The following NEK1 variants were observed in gnomAD, a reference collection of about 807,000 sequenced individuals.
NEK1 encodes NIMA related kinase 1.
Under a neutral mutation model 182.1 loss-of-function variants are expected in NEK1, and 137 were observed. The ratio of observed to expected loss-of-function variants is 0.75; its 90% CI spans 0.65 to 0.87. The LOEUF is 0.87. Among genes scored for constraint, NEK1 ranks in the 40% least tolerant of loss-of-function variants. The probability of loss-of-function intolerance (pLI) is 0.00; values close to 1 mark genes in which losing one functional copy is unlikely to be tolerated. For missense variants in NEK1, 1,391 were observed against 1,494.4 expected, an observed-to-expected ratio of 0.93 and a Z score of 1.14; for synonymous variants, 513 against 492.2, an observed-to-expected ratio of 1.04 and a Z score of -0.56.
At chr4:169,486,958 C>A (rs921775584) in intron 23 of NEK1, among the ~76,000 whole-genome samples, 1 of 152,166 alleles carries the variant, frequency 6.6e-6, no homozygotes. Context: ...ACTTCATTCA[C>A]AATATAGCAT....
chr4:169,490,200 G>A (rs567385901), intron 23 of NEK1, among the ~76,000 whole-genome samples: 1 of 152,264 alleles, frequency 6.6e-6, no homozygotes, highest in South Asian at 2.1e-4. Context: ...AACTGAAGGA[G>A]CTGCATGGAC....
rs139849277 is a variant in NEK1, at chr4:169,596,494, A to AGACTG, written c.312+2601_312+2605dup. On this transcript the variant is annotated intron_variant, in intron 5 of 35. Transcript: ENST00000507142. ...GTACATCTTTAAAATATCTATGTAGAGACTGTCCAAGGGAACGTACTTAGT... is the reference window on the plus strand; with the variant it reads ...GTACATCTTTAAAATATCTATGTAGAGACTGGACTGTCCAAGGGAACGTACTTAGT... Among the ~76,000 whole-genome samples the AGACTG allele has an allele frequency of 9.6e-3, 1,461 of 152,356 alleles. 16 individuals carry two copies. Among genetic ancestry groups the AGACTG allele is most frequent in the African/African-American group, 0.033 (1,384 of 41,584 alleles).
chr4:169,572,248 G>A (rs1157214737), intron 12 of NEK1, among the ~76,000 whole-genome samples: 2 of 152,114 alleles, frequency 1.3e-5, no homozygotes, highest in Non-Finnish European at 2.9e-5. Flanking sequence ...TAATATGGTG[G>A]TAAAAATAAT....
At chr4:169,603,365 T>C (rs1042923716) in intron 2 of NEK1, among the ~76,000 whole-genome samples, 2 of 152,200 alleles carry the variant, frequency 1.3e-5, no homozygotes, top group Non-Finnish European at 2.9e-5. Flanking sequence ...ATTAAAATCT[T>C]TGAGAAGCAA....
intron 2 of NEK1, among the ~76,000 whole-genome samples, chr4:169,610,966 C>T (rs949619785): frequency 6.6e-6 from 1 of 152,082 alleles, no homozygotes; most frequent in African/African-American, 2.4e-5. Flanking sequence ...TTCCTTTATT[C>T]GAAAAAGCAG....
At chr4:169,554,451 G>C (rs1466634828) in intron 18 of NEK1, 1 of 137,252 alleles carries the variant, frequency 7.3e-6, no homozygotes, top group East Asian at 2.1e-4. Context: ...AAAAAAAAAA[G>C]TATGCTACAT....
At chr4:169,582,765 A>G (rs1766881209) in intron 10 of NEK1, among the ~76,000 whole-genome samples, 1 of 152,188 alleles carries the variant, frequency 6.6e-6, no homozygotes, top group Non-Finnish European at 1.5e-5. Flanking sequence ...GCCTATTTGA[A>G]TTAAAATTTA....
intron 27 of NEK1, among the ~76,000 whole-genome samples, chr4:169,459,904 A>G (rs1054849847): frequency 2.0e-5 from 3 of 152,226 alleles, no homozygotes; most frequent in Non-Finnish European, 4.4e-5. Flanking sequence ...TAAGCAGAGC[A>G]CAGGGGATTC....
At chr4:169,580,783 G>A in intron 11 of NEK1, 59 bp downstream of exon 11, 1 of 1,013,974 alleles carries the variant, frequency 9.9e-7, no homozygotes. Context: ...TATATTTCCA[G>A]TTTAATTAGG....
At chr4:169,558,417 T>C (rs907401319) in intron 16 of NEK1, among the ~76,000 whole-genome samples, 4 of 152,248 alleles carry the variant, frequency 2.6e-5, no homozygotes, top group African/African-American at 9.6e-5. Context: ...AAAGTTCCCT[T>C]GTGTTCCTTT....
At chr4:169,580,945 T>C (rs1362460522) in intron 10 of NEK1, 43 bp from the exon 11 acceptor site, 4 of 1,179,310 alleles carry the variant, frequency 3.4e-6, no homozygotes, top group Non-Finnish European at 4.8e-6. Context: ...TGTTACATTT[T>C]CAAAATAAAA....
At chr4:169,442,916 T>C (rs1579658271) in intron 27 of NEK1, among the ~76,000 whole-genome samples, 1 of 152,092 alleles carries the variant, frequency 6.6e-6, no homozygotes, top group Admixed American at 6.6e-5. Flanking sequence ...CATGTGCCTA[T>C]AGCCATAGCT....
chr4:169,467,913 TA>T (rs1464105655), intron 26 of NEK1, among the ~76,000 whole-genome samples: 2 of 152,090 alleles, frequency 1.3e-5, no homozygotes, highest in Non-Finnish European at 2.9e-5. Context: ...AAAGTTATTT[TA>T]AAGGATTAAA....
At chr4:169,497,104 G>T (rs1412724862) in intron 23 of NEK1, among the ~76,000 whole-genome samples, 1 of 152,122 alleles carries the variant, frequency 6.6e-6, no homozygotes, top group African/African-American at 2.4e-5. Context: ...TCTATTCAGG[G>T]ATTCAACTTC....
chr4:169,487,941 T>A (rs563711180), intron 23 of NEK1, among the ~76,000 whole-genome samples: 1 of 152,352 alleles, frequency 6.6e-6, no homozygotes, highest in South Asian at 2.1e-4. Flanking sequence ...TTCATGTTTG[T>A]TGGCTGCATG....
At chr4:169,609,060 C>CAAAAA (rs540854284) in intron 2 of NEK1, among the ~76,000 whole-genome samples, 3 of 82,558 alleles carry the variant, frequency 3.6e-5, no homozygotes, top group African/African-American at 1.1e-4. Flanking sequence ...GACTCCTTCT[C>CAAAAA]AAAAAAAAAA....
intron 31 of NEK1, among the ~76,000 whole-genome samples, chr4:169,411,623 G>A (rs772042173): frequency 5.3e-5 from 8 of 152,280 alleles, no homozygotes; most frequent in Non-Finnish European, 8.8e-5. Context: ...ACTGCACACC[G>A]CCATGACTGA....
chr4:169,489,805 T>G (rs890727759), intron 23 of NEK1, among the ~76,000 whole-genome samples: 2 of 152,074 alleles, frequency 1.3e-5, no homozygotes, highest in Non-Finnish European at 2.9e-5. Context: ...ACTCTCAGGA[T>G]CAGAGTCACA....
At chr4:169,521,367 C>G (rs796256098) in intron 19 of NEK1, among the ~76,000 whole-genome samples, 1 of 135,592 alleles carries the variant, frequency 7.4e-6, no homozygotes, top group Non-Finnish European at 1.6e-5. Flanking sequence ...CTTCGGCTCG[C>G]GCACGGTGCG....
Sources: allele counts gnomAD v4.1 joint callset (sites outside exome capture counted in the v4.1 genomes callset), GRCh38; gene constraint gnomAD v4.1.1; transcripts MANE v1.5; gene names NCBI Gene and HGNC (gene_info 2026-07-23, HGNC 2026-07-21).